The following SLC9D1 variants were observed in gnomAD, a reference collection of about 807,000 sequenced individuals.
SLC9D1 encodes the protein putative LAG1-interacting protein.
At chr13:113,506,804 AAAT>A in the SLC9D1 span, among the ~76,000 whole-genome samples, 5 of 152,216 alleles carry the variant, frequency 3.3e-5, no homozygotes, top group Non-Finnish European at 5.9e-5. Flanking sequence ...GTTAAATAAA[AAAT>A]AATGTTGTAT....
the SLC9D1 span, among the ~76,000 whole-genome samples, chr13:113,544,543 C>T: frequency 6.6e-6 from 1 of 152,248 alleles, no homozygotes; most frequent in African/African-American, 2.4e-5. Flanking sequence ...TACTCTTTAT[C>T]AGCAGCCGCT....
the SLC9D1 span, among the ~76,000 whole-genome samples, chr13:113,521,643 C>T: frequency 6.6e-6 from 1 of 152,080 alleles, no homozygotes; most frequent in African/African-American, 2.4e-5. Context: ...TTTCATTCTC[C>T]CAATATCGTA....
At chr13:113,537,022 C>T in the SLC9D1 span, among the ~76,000 whole-genome samples, 2 of 152,202 alleles carry the variant, frequency 1.3e-5, no homozygotes, top group African/African-American at 2.4e-5. Flanking sequence ...GTCCACTTCC[C>T]GATGGCTGGT....
the SLC9D1 span, among the ~76,000 whole-genome samples, chr13:113,544,159 G>T: frequency 6.6e-6 from 1 of 152,236 alleles, no homozygotes; most frequent in African/African-American, 2.4e-5. Flanking sequence ...TCCTCTGCAG[G>T]TCAGCCACAG....
the SLC9D1 span, among the ~76,000 whole-genome samples, chr13:113,509,711 T>C: frequency 1.3e-5 from 2 of 152,234 alleles, no homozygotes; most frequent in African/African-American, 2.4e-5. Flanking sequence ...CTTTGGTTGA[T>C]GTATCGTATT....
chr13:113,507,150 G>A, the SLC9D1 span, among the ~76,000 whole-genome samples: 27,929 of 151,632 alleles, frequency 0.18, 3,376 homozygotes, highest in African/African-American at 0.35. Context: ...GGGTCTCCCG[G>A]TCCCAACTCC....
chr13:113,547,174 G>C, the SLC9D1 span: 5 of 748,798 alleles, frequency 6.7e-6, no homozygotes, highest in Non-Finnish European at 1.1e-5. Flanking sequence ...TTTCACACGT[G>C]CACTTGGGAG....
At chr13:113,500,050 C>G in the SLC9D1 span, 1 of 1,593,160 alleles carries the variant, frequency 6.3e-7, no homozygotes, top group Non-Finnish European at 8.6e-7. Context: ...TGGAGGATGA[C>G]TTGGGTCTTA....
At chr13:113,512,315 C>T in the SLC9D1 span, among the ~76,000 whole-genome samples, 3 of 107,266 alleles carry the variant, frequency 2.8e-5, no homozygotes, top group African/African-American at 1.5e-4. Flanking sequence ...GTCTCAGGGG[C>T]CGGGACTGGA....
At chr13:113,539,235 C>G in the SLC9D1 span, 1 of 918,568 alleles carries the variant, frequency 1.1e-6, no homozygotes, top group African/African-American at 1.7e-5. This position sits in a 1 kb window ranked among gnomAD's most constrained non-coding sequence, Gnocchi z 4.8. Context: ...CACACACGCT[C>G]TGTTTGTGCA....
the SLC9D1 span, among the ~76,000 whole-genome samples, chr13:113,518,556 G>C: frequency 2.6e-5 from 4 of 152,254 alleles, no homozygotes; most frequent in African/African-American, 9.6e-5. Flanking sequence ...AAGGGGCGCA[G>C]GTGTGAACGT....
At chr13:113,545,524 A>G in the SLC9D1 span, among the ~76,000 whole-genome samples, 1 of 152,190 alleles carries the variant, frequency 6.6e-6, no homozygotes, top group South Asian at 2.1e-4. Flanking sequence ...TCTGGGACTG[A>G]CTGGAATGCA....
chr13:113,492,396 C>T, the SLC9D1 span, among the ~76,000 whole-genome samples: 1 of 152,186 alleles, frequency 6.6e-6, no homozygotes, highest in Admixed American at 6.5e-5. Context: ...AGTGCCTTTG[C>T]CCTGTTTTCT....
the SLC9D1 span, among the ~76,000 whole-genome samples, chr13:113,496,503 G>C: frequency 5.3e-5 from 8 of 152,262 alleles, no homozygotes; most frequent in South Asian, 6.2e-4. Flanking sequence ...TTTGAATTAA[G>C]GACTTTGACC....
chr13:113,506,032 T>C, the SLC9D1 span: 1 of 159,912 alleles, frequency 6.3e-6, no homozygotes, highest in Non-Finnish European at 1.4e-5. Flanking sequence ...TGTTAATTTC[T>C]AAGCTCCATG....
the SLC9D1 span, among the ~76,000 whole-genome samples, chr13:113,542,307 C>T: frequency 7.0e-5 from 1 of 14,364 alleles, no homozygotes; most frequent in Non-Finnish European, 1.3e-4. Context: ...GTGGATGATA[C>T]GCACACGGTC....
the SLC9D1 span, among the ~76,000 whole-genome samples, chr13:113,538,226 G>A: frequency 1.1e-5 from 1 of 92,378 alleles, no homozygotes; most frequent in Non-Finnish European, 2.0e-5. Flanking sequence ...GCATACATAT[G>A]TGCTTTGTGT....
the SLC9D1 span, among the ~76,000 whole-genome samples, chr13:113,524,989 T>C: frequency 0.18 from 28,085 of 152,158 alleles, 3,427 homozygotes; most frequent in African/African-American, 0.35. Flanking sequence ...TCAGGGATTC[T>C]GTTTAGGCTC....
chr13:113,514,232 A>T, the SLC9D1 span: 5 of 143,594 alleles, frequency 3.5e-5, no homozygotes, highest in Admixed American at 6.8e-5. Flanking sequence ...ATTGAAAGGC[A>T]TTTTTTTTTA....
Sources: allele counts gnomAD v4.1 joint callset (sites outside exome capture counted in the v4.1 genomes callset), GRCh38; gene constraint gnomAD v4.1.1; non-coding constraint Gnocchi (gnomAD v3.1); transcripts MANE v1.5; gene names NCBI Gene and HGNC (gene_info 2026-07-23, HGNC 2026-07-21).